Variants in TACC2 observed in about 807,000 individuals in gnomAD.
The protein encoded by TACC2 is transforming acidic coiled-coil containing protein 2.
Under a neutral mutation model 227.3 loss-of-function variants are expected in TACC2, and 137 were observed. The observed-to-expected ratio is 0.60, with a 90% confidence interval of 0.52 to 0.69. TACC2 has a LOEUF of 0.69. Ranked by LOEUF, TACC2 falls within the 30% of genes least tolerant of loss-of-function variation. The probability of loss-of-function intolerance (pLI) is 0.00; values close to 1 mark genes in which losing one functional copy is unlikely to be tolerated. For missense variants in TACC2, 3,470 were observed against 3,694.4 expected (o/e 0.94, Z 1.57); for synonymous variants, 1,523 against 1,487.5 (o/e 1.02, Z -0.55).
intron 5 of TACC2, among the ~76,000 whole-genome samples, chr10:122,130,576 C>T (rs1157243782): frequency 6.6e-6 from 1 of 152,202 alleles, no homozygotes; most frequent in Non-Finnish European, 1.5e-5. Context: ...AGCCACCGTG[C>T]CCAGCCCCTC....
In TACC2 at chr10:122,227,928, C is replaced by T. The variant is rs777485343; in HGVS notation, c.7816C>T (p.His2606Tyr). 3 of 1,614,142 alleles carry T rather than the reference C, an allele frequency of 1.9e-6. No individual in the cohort carries two copies. Among genetic ancestry groups the T allele is most frequent in the Admixed American group, 3.3e-5 (2 of 60,012 alleles). The change falls in exon 14 of 23, where the codon CAC (histidine) becomes TAC (tyrosine). Residue 2606 changes from histidine (H) to tyrosine (Y), a missense_variant. Physicochemically the swap from His to Tyr is moderately conservative, Grantham distance 83. Coordinates refer to ENST00000369005, the MANE Select transcript of TACC2 (RefSeq NM_206862.4). ...PRGLAPNQES[H>Y]LQVPEKSSQK... ...AGGACTGGCCCCTAACCAAGAGTCA[C>T]ACTTGCAGGTGCCAGAGAAATCCTC...
Position 122,083,922 on chromosome 10 carries a change from T to C in TACC2, c.1422T>C (p.Asp474=). 1.2e-6 allele frequency: 2 copies of C among 1,614,010 alleles called. No individual in the cohort carries two copies. The highest frequency in any genetic ancestry group is 1.7e-6 in the Non-Finnish European group (2 of 1,179,992). Residue 474 remains aspartate (D), a synonymous_variant, in exon 4 of 23, where the codon GAT becomes GAC. Coordinates refer to ENST00000369005, the MANE Select transcript of TACC2 (RefSeq NM_206862.4). ...TGGGACTGGAGAGGCAGGTGTCAGA[T>C]CTTGGAAGCAAGGGAGAGCATCCAG... The part of the protein sequence containing the change: ...GLVGLERQVS[D]LGSKGEHPEG...
At chr10:122,229,885 C>T (rs954824978) in intron 15 of TACC2, among the ~76,000 whole-genome samples, 5 of 152,166 alleles carry the variant, frequency 3.3e-5, no homozygotes, top group Admixed American at 3.3e-4. Flanking sequence ...AGTCTTGCAT[C>T]TGGAACCAAA....
chr10:122,011,629 T>C (rs932912490), intron 1 of TACC2, among the ~76,000 whole-genome samples: 1 of 152,016 alleles, frequency 6.6e-6, no homozygotes, highest in Non-Finnish European at 1.5e-5. Flanking sequence ...TGCCTGGCCA[T>C]AGTCCCTCTC....
chr10:122,098,846 C>T (rs1237908150), intron 5 of TACC2, among the ~76,000 whole-genome samples: 3 of 152,206 alleles, frequency 2.0e-5, no homozygotes, highest in African/African-American at 4.8e-5. Context: ...TGCTTCTTCT[C>T]GTCCTGTAGC....
chr10:122,230,341 C>T lies in TACC2; in HGVS notation c.8038-10C>T, dbSNP rs774317169. 1 of 1,608,720 alleles carries T rather than the reference C, an allele frequency of 6.2e-7. No homozygotes were observed. Among genetic ancestry groups the T allele is most frequent in the South Asian group, 1.1e-5 (1 of 90,982 alleles). ...TTTCCCTGCGGTTTGCCCACACTCCCTGTGGGCAGGAGGAGTTAGAGTTTG... is the reference window on the plus strand; with the variant it reads ...TTTCCCTGCGGTTTGCCCACACTCCTTGTGGGCAGGAGGAGTTAGAGTTTG... On this transcript the variant is annotated splice_polypyrimidine_tract_variant and intron_variant, in intron 15 of 22. Coordinates refer to ENST00000369005, the MANE Select transcript of TACC2 (RefSeq NM_206862.4).
In TACC2 at chr10:122,088,337, G is replaced by C. The variant is rs1222018308; in HGVS notation, c.5460-141G>C. The C allele has an allele frequency of 5.5e-6, 4 of 727,606 alleles. No individual in the cohort carries two copies. In the Admixed American group the frequency reaches 9.8e-5, roughly 18 times the overall value. 45.1% of individuals were successfully genotyped at this position (727,606 alleles called of 1,614,324 possible). A position where few individuals can be genotyped will look rare whatever the true frequency, so the allele number is the denominator to read the frequency against. The stretch of plus-strand genomic sequence containing the variant: ...TTGAATCTGGATTTATTTAGTCAGG[G>C]GGCCCTTTTTCCTAGGGATTTTTTT... On this transcript the variant is annotated intron_variant, in intron 4 of 22. Coordinates refer to ENST00000369005, the MANE Select transcript of TACC2 (RefSeq NM_206862.4).
chr10:122,175,145 G>A (rs1260345531), intron 7 of TACC2, among the ~76,000 whole-genome samples: 4 of 152,054 alleles, frequency 2.6e-5, no homozygotes, highest in Non-Finnish European at 5.9e-5. Flanking sequence ...ATAGAGATGA[G>A]GTTTCTGCCA....
intron 1 of TACC2, among the ~76,000 whole-genome samples, chr10:122,005,674 G>T (rs532172002): frequency 3.7e-4 from 53 of 144,140 alleles, no homozygotes; most frequent in African/African-American, 1.1e-3. Flanking sequence ...ATGAGCCACC[G>T]TGCCTGGCCT....
intron 3 of TACC2, among the ~76,000 whole-genome samples, chr10:122,057,518 T>G (rs2076327528): frequency 6.6e-6 from 1 of 151,758 alleles, no homozygotes; most frequent in Non-Finnish European, 1.5e-5. Flanking sequence ...AAAAACTAAG[T>G]TTGGCCGGGC....
At chr10:122,249,801 T>C in intron 22 of TACC2, 137 bp downstream of exon 22, 2 of 1,113,660 alleles carry the variant, frequency 1.8e-6, no homozygotes, top group Non-Finnish European at 2.5e-6. Flanking sequence ...GAGCATACCC[T>C]TGGTTCCTTC....
intron 11 of TACC2, among the ~76,000 whole-genome samples, chr10:122,223,399 G>T (rs1256114082): frequency 6.6e-6 from 1 of 152,166 alleles, no homozygotes; most frequent in Non-Finnish European, 1.5e-5. Flanking sequence ...TCTGTCTTAA[G>T]TTGGGGCAGA....
At chr10:122,041,969 G>A (rs2074333246) in intron 2 of TACC2, among the ~76,000 whole-genome samples, 1 of 150,386 alleles carries the variant, frequency 6.6e-6, no homozygotes, top group African/African-American at 2.4e-5. Context: ...TTTTTGAGAC[G>A]GAGTCTCGCT....
Position 122,251,525 on chromosome 10 carries a change from G to A in TACC2, c.8781+1861G>A, listed in dbSNP as rs926603325. Among the ~76,000 whole-genome samples the A allele has an allele frequency of 2.0e-5, 3 of 152,096 alleles. No individual in the cohort carries two copies. In the East Asian group the frequency reaches 5.8e-4, roughly 29 times the overall value. ...TATTTGGTGACTTGAAAAATGGAATGTTTCATTAAAATAAAGATCATACTA... is the reference window on the plus strand; with the variant it reads ...TATTTGGTGACTTGAAAAATGGAATATTTCATTAAAATAAAGATCATACTA... On this transcript the variant is annotated intron_variant, in intron 22 of 22. Coordinates refer to ENST00000369005, the MANE Select transcript of TACC2 (RefSeq NM_206862.4).
intron 8 of TACC2, among the ~76,000 whole-genome samples, chr10:122,198,643 C>G (rs1463316098): frequency 6.6e-6 from 1 of 152,198 alleles, no homozygotes; most frequent in African/African-American, 2.4e-5. Flanking sequence ...GCGGAGGTTA[C>G]GAACCTCATA....
intron 5 of TACC2, among the ~76,000 whole-genome samples, chr10:122,129,783 C>T (rs568837857): frequency 6.6e-6 from 1 of 152,284 alleles, no homozygotes; most frequent in African/African-American, 2.4e-5. Flanking sequence ...TCTCTGACTC[C>T]TTGGATGTGG....
chr10:122,095,373 A>T (rs1001220125), intron 5 of TACC2, among the ~76,000 whole-genome samples: 3 of 152,228 alleles, frequency 2.0e-5, no homozygotes, highest in Non-Finnish European at 4.4e-5. Context: ...AAATGGAGCA[A>T]ATAGTACTCC....
chr10:122,081,534 A>AC, intron 3 of TACC2, among the ~76,000 whole-genome samples: 1 of 151,842 alleles, frequency 6.6e-6, no homozygotes, highest in Admixed American at 6.6e-5. Flanking sequence ...TCTCAAAAAA[A>AC]AAAAAAAAAA....
intron 5 of TACC2, among the ~76,000 whole-genome samples, chr10:122,104,066 C>T (rs1229819593): frequency 6.6e-6 from 1 of 152,210 alleles, no homozygotes; most frequent in African/African-American, 2.4e-5. Context: ...TGTCTTTTCA[C>T]TGCTGTTTCT....
Sources: gnomAD v4.1 joint callset for allele counts (sites outside exome capture counted in the v4.1 genomes callset) on GRCh38, gnomAD v4.1.1 for gene constraint, MANE v1.5 for transcripts, NCBI Gene and HGNC (gene_info 2026-07-23, HGNC 2026-07-21) for gene names.